SGIP1: variants seen among roughly 807,000 people sequenced by gnomAD.
SGIP1 encodes SH3GL interacting endocytic adaptor 1.
Under a neutral mutation model 107.5 loss-of-function variants are expected in SGIP1, and 38 were observed. The observed-to-expected ratio is 0.35, with a 90% confidence interval of 0.27 to 0.46. The LOEUF is 0.46. SGIP1 is among the 20% of genes least tolerant of loss of function. The probability of loss-of-function intolerance (pLI) is 1.00; values close to 1 mark genes in which losing one functional copy is unlikely to be tolerated. For synonymous variants in SGIP1, 365 were observed against 366.1 expected (o/e 1.00, Z 0.03); for missense variants, 929 against 1,019.5 (o/e 0.91, Z 1.21).
chr1:66,618,964 C>T (rs1397305214), intron 1 of SGIP1, among the ~76,000 whole-genome samples: 1 of 152,194 alleles, frequency 6.6e-6, no homozygotes, highest in Non-Finnish European at 1.5e-5. Flanking sequence ...TCCACCCTGT[C>T]ACCCTACTTC....
At chr1:66,699,722 G>T (rs769273466) in intron 18 of SGIP1, among the ~76,000 whole-genome samples, 19 of 152,192 alleles carry the variant, frequency 1.2e-4, no homozygotes, top group Middle Eastern at 3.4e-3. Flanking sequence ...CTCCTTACTA[G>T]TGAACAAAAC....
chr1:66,736,388 ATATATGTGAATATAT>A (rs1468153625), intron 21 of SGIP1, among the ~76,000 whole-genome samples: 1 of 25,954 alleles, frequency 3.9e-5, no homozygotes, highest in African/African-American at 1.2e-4. Flanking sequence ...ATAATATATA[ATATATGTGAATATAT>A]TATATGTGAA....
At chr1:66,563,233 T>C (rs1250840083) in intron 1 of SGIP1, among the ~76,000 whole-genome samples, 1 of 151,992 alleles carries the variant, frequency 6.6e-6, no homozygotes, top group Non-Finnish European at 1.5e-5. Flanking sequence ...GGTCAGTGTG[T>C]CTCAGGGCCG....
chr1:66,611,010 A>G (rs1329795855), intron 1 of SGIP1, among the ~76,000 whole-genome samples: 1 of 152,076 alleles, frequency 6.6e-6, no homozygotes. Flanking sequence ...GGTGAGGGAT[A>G]AAGGACTACA....
chr1:66,730,567 C>A (rs2093960770), intron 20 of SGIP1, among the ~76,000 whole-genome samples: 1 of 152,180 alleles, frequency 6.6e-6, no homozygotes, highest in Non-Finnish European at 1.5e-5. Flanking sequence ...CTCCCTGAAT[C>A]CAATCTTGCC....
chr1:66,642,772 AG>A, intron 5 of SGIP1, 37 bp from the exon 6 acceptor site: 1 of 1,550,556 alleles, frequency 6.4e-7, no homozygotes, highest in South Asian at 1.2e-5. Flanking sequence ...GATCACTGTT[AG>A]GATAATAATT....
chr1:66,637,509 A>C (rs1165709334), intron 4 of SGIP1, among the ~76,000 whole-genome samples: 1 of 149,892 alleles, frequency 6.7e-6, no homozygotes, highest in African/African-American at 2.5e-5. Context: ...TGCCAAAAAT[A>C]ATGTATTGTT....
At chr1:66,693,328 T>G (rs2090272334) in intron 17 of SGIP1, among the ~76,000 whole-genome samples, 1 of 151,822 alleles carries the variant, frequency 6.6e-6, no homozygotes, top group Admixed American at 6.6e-5. Context: ...TCACAGGACC[T>G]CTACTATATG....
chr1:66,643,699 G>A lies in SGIP1; in HGVS notation c.439G>A (p.Ala147Thr), dbSNP rs758937977. ...ATTGAAGGCATCAATAGGCAACATC[G>A]CACTTTCCCCATCACCAGTGGTGAG... ...DELKASIGNI[A>T]LSPSPVRKSP... is the part of the protein sequence containing the mutation. The change falls in exon 7 of 25, where the codon GCA becomes ACA. Residue 147 changes from alanine (A) to threonine (T), a missense_variant. Ala to Thr is a moderately conservative substitution (Grantham distance 58). Around this residue, in one of 2 missense-constraint regions of SGIP1, gnomAD observed 588 missense variants for 588.6 expected, o/e 1.00. Coordinates refer to ENST00000371037, the MANE Select transcript of SGIP1 (RefSeq NM_032291.4). 1.1e-5 allele frequency: 18 copies of A among 1,608,964 alleles called. No homozygotes were observed. Among genetic ancestry groups the A allele is most frequent in the African/African-American group, 8.1e-5 (6 of 74,420 alleles).
At chr1:66,536,044 G>A (rs1196858584) in intron 1 of SGIP1, among the ~76,000 whole-genome samples, 3 of 152,178 alleles carry the variant, frequency 2.0e-5, no homozygotes, top group African/African-American at 7.2e-5. Flanking sequence ...GTTTTTTGAT[G>A]CTCATGAATG....
chr1:66,710,954 T>A (rs1052542673), intron 18 of SGIP1, among the ~76,000 whole-genome samples: 1 of 152,196 alleles, frequency 6.6e-6, no homozygotes, highest in African/African-American at 2.4e-5. Flanking sequence ...GCTCCATTTA[T>A]GATCTTGAAT....
rs10646867 is a variant in SGIP1 at position 66,749,442 on chromosome 1, G to GTT, written c.*6356_*6357dup. Among the ~76,000 whole-genome samples, 39,531 of 146,402 alleles carry GTT rather than the reference G, an allele frequency of 0.27. 5,304 individuals are homozygous for GTT. The highest frequency in any genetic ancestry group is 0.31 in the South Asian group (1,450 of 4,630). ...ACTCTTTTAATGAGCATTTCATAGG[G>GTT]TTTTTTTTTTGCTGTTTTTTTTTCT... On this transcript the variant is annotated 3_prime_UTR_variant, in exon 25 of 25. Transcript: ENST00000371037.
At chr1:66,685,972 C>T (rs954258138) in intron 15 of SGIP1, among the ~76,000 whole-genome samples, 1 of 152,202 alleles carries the variant, frequency 6.6e-6, no homozygotes, top group African/African-American at 2.4e-5. Context: ...GAAATGGTAT[C>T]ATTATGGTCT....
At chr1:66,542,585 G>T (rs932381310) in intron 1 of SGIP1, among the ~76,000 whole-genome samples, 1 of 152,094 alleles carries the variant, frequency 6.6e-6, no homozygotes. Flanking sequence ...CTGGACAAAG[G>T]ACTGATTCGT....
intron 18 of SGIP1, among the ~76,000 whole-genome samples, chr1:66,719,032 C>T (rs2093391935): frequency 2.6e-5 from 4 of 151,996 alleles, no homozygotes; most frequent in African/African-American, 4.8e-5. Flanking sequence ...ACCCCTGTGA[C>T]TTTGTTCTGC....
At chr1:66,627,613 T>C (rs2073185168) in intron 2 of SGIP1, among the ~76,000 whole-genome samples, 1 of 152,208 alleles carries the variant, frequency 6.6e-6, no homozygotes, top group Non-Finnish European at 1.5e-5. Context: ...TCTTATATTT[T>C]CTTTTTGCAT....
chr1:66,662,205 C>A (rs1187385750), intron 8 of SGIP1, among the ~76,000 whole-genome samples: 1 of 152,188 alleles, frequency 6.6e-6, no homozygotes, highest in East Asian at 1.9e-4. Context: ...ATCATATATT[C>A]TAATCCTTTC....
At chr1:66,692,506 T>C (rs573876580) in intron 17 of SGIP1, among the ~76,000 whole-genome samples, 99 of 152,292 alleles carry the variant, frequency 6.5e-4, no homozygotes, top group Non-Finnish European at 7.8e-4. Context: ...GTAAATATAT[T>C]GTCAAGACTG....
At chr1:66,720,667 A>G (rs1317080776) in intron 19 of SGIP1, among the ~76,000 whole-genome samples, 2 of 152,208 alleles carry the variant, frequency 1.3e-5, no homozygotes, top group African/African-American at 4.8e-5. Flanking sequence ...CAGAAGCAGC[A>G]GTGAGCCATG....
Sources: gnomAD v4.1 joint callset for allele counts (sites outside exome capture counted in the v4.1 genomes callset) on GRCh38, gnomAD v4.1.1 for gene constraint, gnomAD v4.1.1 regional missense constraint, MANE v1.5 for transcripts, NCBI Gene and HGNC (gene_info 2026-07-23, HGNC 2026-07-21) for gene names.